PRTG: variants seen among roughly 807,000 people sequenced by gnomAD.
PRTG encodes the protein immunoglobulin superfamily, DCC subclass, member 5.
In PRTG, 67 loss-of-function variants were observed where a neutral mutation model predicts 122.5. The observed-to-expected ratio is 0.55, with a 90% confidence interval of 0.45 to 0.67. The LOEUF (loss-of-function observed/expected upper bound fraction) is 0.67, where lower values mean the gene tolerates loss of function less well. Among genes scored for constraint, PRTG ranks in the 30% least tolerant of loss-of-function variants. PRTG has a pLI of 0.00. For synonymous variants in PRTG, 554 were observed against 501.1 expected, an observed-to-expected ratio of 1.11 and a Z score of -1.41; for missense variants, 1,435 against 1,415.4, an observed-to-expected ratio of 1.01 and a Z score of -0.22.
intron 2 of PRTG, among the ~76,000 whole-genome samples, chr15:55,728,976 T>C (rs1186444312): frequency 6.6e-6 from 1 of 152,120 alleles, no homozygotes; most frequent in Non-Finnish European, 1.5e-5. Flanking sequence ...AAAAGGAAAT[T>C]AAACAATTCC....
chr15:55,680,405 T>C, intron 5 of PRTG, 86 bp downstream of exon 5: 1 of 1,379,494 alleles, frequency 7.2e-7, no homozygotes, highest in Non-Finnish European at 9.6e-7. Context: ...TGTGTTTTTG[T>C]ATATAAAATA....
chr15:55,715,585 C>T (rs188355832), intron 2 of PRTG, among the ~76,000 whole-genome samples: 7 of 152,154 alleles, frequency 4.6e-5, no homozygotes, highest in Non-Finnish European at 1.0e-4. Context: ...AGTTCCTAAT[C>T]CCCTTTTCCT....
chr15:55,673,596 T>G lies in PRTG; in HGVS notation c.1627A>C (p.Lys543Gln). 1 of 1,614,210 alleles carries G rather than the reference T, an allele frequency of 6.2e-7. No individual in the cohort carries two copies. The highest frequency in any genetic ancestry group is 8.5e-7 in the Non-Finnish European group (1 of 1,180,022). Residue 543 changes from lysine to glutamine, a missense_variant, in exon 10 of 20, where the codon AAA becomes CAA. Physicochemically the swap from Lys to Gln is moderately conservative, Grantham distance 53 (BLOSUM62 1). Transcript: ENST00000389286. ...ILISWLPIPA[K>Q]YRRGQVVLYR... is the part of the protein sequence containing the mutation. ...AGCACCACTTGGCCCCGCCGATATT[T>G]GGCTGGGATTGGCAGCCAGGAGATG...
In PRTG at chr15:55,613,827, TTAAC is replaced by T. The variant is rs2059131090; in HGVS notation, c.*6181_*6184del. On this transcript the variant is annotated 3_prime_UTR_variant, in exon 20 of 20. Transcript: ENST00000389286. ...AGTCCTATACACTTCTGAGTAAGGA[TTAAC>T]TAACTAGGGTTTGTATCTTGCCTAA... is the stretch of plus-strand genomic sequence containing the variant. 6.7e-6 allele frequency: 1 copy of T among 148,624 alleles called. No homozygotes were observed. The highest frequency in any genetic ancestry group is 2.2e-4 in the South Asian group (1 of 4,650). 9.2% of individuals were successfully genotyped at this position (148,624 alleles called of 1,614,324 possible).
chr15:55,673,792 G>T, intron 9 of PRTG, 116 bp from the exon 10 acceptor site: 1 of 782,214 alleles, frequency 1.3e-6, no homozygotes, highest in Non-Finnish European at 2.0e-6. Flanking sequence ...GACACTTTCA[G>T]CCCTAGCAGA....
chr15:55,701,561 C>G (rs1285074045), intron 2 of PRTG, among the ~76,000 whole-genome samples: 3 of 151,782 alleles, frequency 2.0e-5, no homozygotes, highest in Non-Finnish European at 4.4e-5. Context: ...AAACAAAACC[C>G]TGCATTCTCA....
intron 2 of PRTG, among the ~76,000 whole-genome samples, chr15:55,694,958 G>GTCA (rs1270036181): frequency 1.1e-4 from 17 of 152,156 alleles, no homozygotes; most frequent in Non-Finnish European, 2.2e-4. Flanking sequence ...AAGCTGTGCT[G>GTCA]TTAAGAGGCC....
chr15:55,731,573 G>A (rs6493811), intron 2 of PRTG, among the ~76,000 whole-genome samples: 89,865 of 151,364 alleles, frequency 0.59, 27,635 homozygotes, highest in Non-Finnish European at 0.69. Context: ...GTTTCACCAT[G>A]TCGGTCAGGC....
chr15:55,682,686 T>C (rs1411687822), intron 3 of PRTG, among the ~76,000 whole-genome samples, 189 bp from the exon 4 acceptor site: 4 of 151,954 alleles, frequency 2.6e-5, no homozygotes, highest in African/African-American at 7.3e-5. Flanking sequence ...CGCCTCAGCC[T>C]ACCAAGCAGC....
intron 11 of PRTG, among the ~76,000 whole-genome samples, chr15:55,670,796 G>C (rs1160687982): frequency 4.6e-5 from 7 of 152,078 alleles, no homozygotes; most frequent in Non-Finnish European, 8.8e-5. Context: ...AGCTACTCGG[G>C]AGGCTGAGGC....
chr15:55,716,683 A>G (rs2030612330), intron 2 of PRTG, among the ~76,000 whole-genome samples: 1 of 152,228 alleles, frequency 6.6e-6, no homozygotes, highest in South Asian at 2.1e-4. Flanking sequence ...TTATCAAAAC[A>G]TACATTTTAA....
At chr15:55,664,267 A>G (rs1332173618) in intron 11 of PRTG, among the ~76,000 whole-genome samples, 1 of 152,020 alleles carries the variant, frequency 6.6e-6, no homozygotes, top group Non-Finnish European at 1.5e-5. Flanking sequence ...CCAGCCTTCC[A>G]TATAGCTGGG....
intron 2 of PRTG, among the ~76,000 whole-genome samples, chr15:55,690,416 A>T (rs2059594283): frequency 6.6e-6 from 1 of 152,206 alleles, no homozygotes; most frequent in South Asian, 2.1e-4. Flanking sequence ...TAATTAAATT[A>T]CTATCCAAGT....
In PRTG at chr15:55,677,013, C is replaced by T. The variant is rs72750506; in HGVS notation, c.1381+784G>A. ...CTTAGGTGTTTGAATTTGTTTTTAA[C>T]GTATATTCCATAAAAGCTAGGCTGT... On this transcript the variant is annotated intron_variant, in intron 8 of 19. Coordinates refer to ENST00000389286, the MANE Select transcript of PRTG (RefSeq NM_173814.6). 6.7e-3 allele frequency among the ~76,000 whole-genome samples: 1,016 copies of T among 152,244 alleles called. 5 individuals carry two copies. Among genetic ancestry groups the T allele is most frequent in the Middle Eastern group, 0.037 (11 of 294 alleles).
In PRTG at chr15:55,679,431, C is replaced by A; in HGVS notation, c.988G>T (p.Val330Phe). The change falls in exon 7 of 20, where the codon GTT becomes TTT. Residue 330 changes from valine to phenylalanine, a missense_variant. Coordinates refer to ENST00000389286, the MANE Select transcript of PRTG (RefSeq NM_173814.6). The part of the protein sequence containing the change: ...TLTVLAPPSF[V>F]EWPESLTRPR... ...CTTGTTAAACTTTCTGGCCATTCAACAAATGAAGGAGGAGCTATTTTTAAA... is the reference window on the plus strand; with the variant it reads ...CTTGTTAAACTTTCTGGCCATTCAAAAAATGAAGGAGGAGCTATTTTTAAA... 1.2e-6 allele frequency: 2 copies of A among 1,608,076 alleles called. No individual in the cohort carries two copies.
At chr15:55,728,759 G>T (rs1250071969) in intron 2 of PRTG, among the ~76,000 whole-genome samples, 1 of 8,514 alleles carries the variant, frequency 1.2e-4, no homozygotes, top group African/African-American at 1.4e-4. Flanking sequence ...AGAGCAATTA[G>T]TCTAAAAAAA....
chr15:55,627,415 C>T (rs2059201331), intron 16 of PRTG, among the ~76,000 whole-genome samples: 2 of 151,106 alleles, frequency 1.3e-5, no homozygotes, highest in Admixed American at 1.3e-4. Context: ...GCTCCAACTC[C>T]CGGGTTCCTG....
chr15:55,703,344 G>A (rs689571), intron 2 of PRTG, among the ~76,000 whole-genome samples: 15,158 of 151,996 alleles, frequency 0.1, 907 homozygotes, highest in Middle Eastern at 0.19. Context: ...CCTCATCTGC[G>A]GCTGAAGTAT....
Position 55,743,148 on chromosome 15 carries a change from G to A in PRTG, c.-217C>T. Reference sequence around the variant, plus strand: ...GGGGCCTGAGAGTCCGGCTGGGGGCGGAGTGAGGCGGCGGCTGCAGAGGGC... The same window carrying A: ...GGGGCCTGAGAGTCCGGCTGGGGGCAGAGTGAGGCGGCGGCTGCAGAGGGC... On this transcript the variant is annotated 5_prime_UTR_variant, in exon 1 of 20. Transcript: ENST00000389286. 1.6e-6 allele frequency: 2 copies of A among 1,243,682 alleles called. No homozygotes were observed. The highest frequency in any genetic ancestry group is 2.0e-6 in the Non-Finnish European group (2 of 996,224). The allele number at this position is 1,243,682 out of a possible 1,614,324, so 77.0% of individuals were successfully genotyped here.
Sources: allele counts gnomAD v4.1 joint callset (sites outside exome capture counted in the v4.1 genomes callset), GRCh38; gene constraint gnomAD v4.1.1; transcripts MANE v1.5; gene names NCBI Gene and HGNC (gene_info 2026-07-23, HGNC 2026-07-21).